NEDD9: variants seen among roughly 807,000 people sequenced by gnomAD.
NEDD9 encodes the protein neural precursor cell expressed, developmentally down-regulated 9.
Under a neutral mutation model 76.6 loss-of-function variants are expected in NEDD9, and 26 were observed. The observed-to-expected ratio is 0.34, with a 90% CI of 0.25 to 0.47. The LOEUF (loss-of-function observed/expected upper bound fraction) is 0.47, where lower values mean the gene tolerates loss of function less well. Ranked by LOEUF, NEDD9 falls within the 20% of genes least tolerant of loss-of-function variation. The probability of loss-of-function intolerance (pLI) is 1.00; values close to 1 mark genes in which losing one functional copy is unlikely to be tolerated. For missense variants in NEDD9, 937 were observed against 1,058.5 expected (o/e 0.89, Z 1.59); for synonymous variants, 392 against 414.2 (o/e 0.95, Z 0.65).
chr6:11,232,229 T>C (rs116469335), intron 1 of NEDD9, among the ~76,000 whole-genome samples: 2 of 152,204 alleles, frequency 1.3e-5, no homozygotes, highest in African/African-American at 4.8e-5. Flanking sequence ...GTGGCTGCTG[T>C]GAAGCGGCTC....
intron 1 of NEDD9, among the ~76,000 whole-genome samples, chr6:11,348,588 A>G (rs1412710515): frequency 2.6e-5 from 4 of 152,228 alleles, no homozygotes; most frequent in Non-Finnish European, 4.4e-5. Context: ...ACGCAGGCCA[A>G]TGGAACAGAA....
At chr6:11,232,425 A>T in intron 1 of NEDD9, 79 bp downstream of exon 1, 1 of 1,554,764 alleles carries the variant, frequency 6.4e-7, no homozygotes, top group Non-Finnish European at 8.9e-7. Flanking sequence ...ACTGACAGTA[A>T]GGAACACGCA....
chr6:11,357,033 C>A (rs539570609), intron 1 of NEDD9, among the ~76,000 whole-genome samples: 150 of 152,276 alleles, frequency 9.9e-4, no homozygotes, highest in African/African-American at 3.5e-3. Context: ...GCCAAGCCCA[C>A]TGGGGTCTCG....
At chr6:11,332,847 T>C (rs976216739) in intron 2 of NEDD9, among the ~76,000 whole-genome samples, 9 of 152,162 alleles carry the variant, frequency 5.9e-5, no homozygotes, top group African/African-American at 1.9e-4. Context: ...CTGTGAATGA[T>C]GGGGAGCTTT....
Position 11,296,595 on chromosome 6 carries a change from GAA to G in NEDD9, c.12+9395_12+9396del, listed in dbSNP as rs1288228960. ...CAGTGAACTTGCATTTAGTGGGAAA[GAA>G]TGGCAAAATTTCCTTCCTTCCTTTC... On this transcript the variant is annotated intron_variant, in intron 3 of 3. Transcript: ENST00000397378. Among the ~76,000 whole-genome samples, 5 of 152,192 alleles carry G rather than the reference GAA, an allele frequency of 3.3e-5. No individual in the cohort carries two copies. The East Asian group carries it at 9.6e-4, about 29-fold the overall frequency.
At chr6:11,295,232 A>C (rs1481186445) in intron 3 of NEDD9, among the ~76,000 whole-genome samples, 1 of 152,172 alleles carries the variant, frequency 6.6e-6, no homozygotes, top group African/African-American at 2.4e-5. Flanking sequence ...CTTTTGACAA[A>C]TGTCTTTTCA....
chr6:11,191,353 T>TG (rs1758141557), intron 4 of NEDD9, 148 bp from the exon 5 acceptor site: 1 of 821,094 alleles, frequency 1.2e-6, no homozygotes. Flanking sequence ...CCCGTTATTC[T>TG]GCTGTCACTT....
At chr6:11,323,797 C>G (rs1386750749) in intron 2 of NEDD9, among the ~76,000 whole-genome samples, 1 of 152,254 alleles carries the variant, frequency 6.6e-6, no homozygotes, top group Non-Finnish European at 1.5e-5. Context: ...AAGGTCCTGG[C>G]GTCCTGCTCA....
chr6:11,310,477 A>G (rs1353547126), intron 2 of NEDD9, among the ~76,000 whole-genome samples: 1 of 152,170 alleles, frequency 6.6e-6, no homozygotes, highest in Non-Finnish European at 1.5e-5. Flanking sequence ...CCAGCTATTG[A>G]GCATGGCTGG....
Position 11,319,894 on chromosome 6 carries a change from A to T in NEDD9, c.-152-13739T>A, listed in dbSNP as rs929451405. Among the ~76,000 whole-genome samples, 9 of 151,750 alleles carry T rather than the reference A, an allele frequency of 5.9e-5. No homozygotes were observed. The East Asian group carries it at 1.7e-3, about 29-fold the overall frequency. ...CACTAACATGCACACATGCACACAA[A>T]GTCTGTCTCCAACTGTGAATTTGGT... On this transcript the variant is annotated intron_variant, in intron 2 of 3. Coordinates refer to the NEDD9 transcript ENST00000397378.
Position 11,319,643 on chromosome 6 carries a change from ACT to A in NEDD9, c.-152-13490_-152-13489del, listed in dbSNP as rs35564843. Among the ~76,000 whole-genome samples, 116 of 150,880 alleles carry A rather than the reference ACT, an allele frequency of 7.7e-4. No individual in the cohort carries two copies. In the East Asian group the frequency reaches 0.02, roughly 26 times the overall value. On this transcript the variant is annotated intron_variant, in intron 2 of 3. Transcript: ENST00000397378. Reference sequence around the variant, plus strand: ...CACACACACACACACTAACATGCACACTCACACATGCCACACACTAACATGCA... The same window carrying A: ...CACACACACACACACTAACATGCACACACACATGCCACACACTAACATGCA...
intron 1 of NEDD9, among the ~76,000 whole-genome samples, chr6:11,355,304 G>C (rs1042339082): frequency 1.3e-5 from 2 of 151,916 alleles, no homozygotes; most frequent in African/African-American, 4.8e-5. Flanking sequence ...TTTTTAAAAG[G>C]AAACCATAGT....
chr6:11,195,501 A>C (rs565645157), intron 2 of NEDD9, among the ~76,000 whole-genome samples: 2 of 151,722 alleles, frequency 1.3e-5, no homozygotes, highest in African/African-American at 4.8e-5. Flanking sequence ...AGAAATGAAG[A>C]TCTCCCCTTA....
intron 3 of NEDD9, among the ~76,000 whole-genome samples, chr6:11,282,128 T>C (rs977068751): frequency 1.3e-5 from 2 of 152,266 alleles, no homozygotes; most frequent in South Asian, 2.1e-4. Context: ...TTTCTGGTAC[T>C]TGACCTGTAG....
chr6:11,279,070 A>G (rs1197334185), intron 3 of NEDD9, among the ~76,000 whole-genome samples: 1 of 152,222 alleles, frequency 6.6e-6, no homozygotes, highest in Non-Finnish European at 1.5e-5. Context: ...AAATATTGTC[A>G]ATATACTTGA....
chr6:11,349,369 C>G (rs1372358277), intron 1 of NEDD9, among the ~76,000 whole-genome samples: 1 of 152,204 alleles, frequency 6.6e-6, no homozygotes, highest in African/African-American at 2.4e-5. Flanking sequence ...GGTGATTTCT[C>G]AAAGGCCTAA....
intron 1 of NEDD9, among the ~76,000 whole-genome samples, chr6:11,346,293 C>T (rs966759764): frequency 6.6e-6 from 1 of 152,160 alleles, no homozygotes; most frequent in African/African-American, 2.4e-5. Flanking sequence ...GCACTAGGTA[C>T]TGATTCAGTA....
intron 3 of NEDD9, among the ~76,000 whole-genome samples, chr6:11,261,287 A>G (rs1223267070): frequency 6.6e-6 from 1 of 152,226 alleles, no homozygotes; most frequent in Admixed American, 6.5e-5. Context: ...AAGTCAGGGA[A>G]GTTATTAACT....
At chr6:11,355,337 G>A (rs1027609635) in intron 1 of NEDD9, among the ~76,000 whole-genome samples, 4 of 151,888 alleles carry the variant, frequency 2.6e-5, no homozygotes, top group African/African-American at 9.7e-5. Context: ...ACTTCTCAAG[G>A]GGCTAGAAAA....
Sources: gnomAD v4.1 joint callset for allele counts (sites outside exome capture counted in the v4.1 genomes callset) on GRCh38, gnomAD v4.1.1 for gene constraint, MANE v1.5 for transcripts, NCBI Gene and HGNC (gene_info 2026-07-23, HGNC 2026-07-21) for gene names.